Variants in ZNF628 observed in about 807,000 individuals in gnomAD.
ZNF628 encodes the protein zinc finger protein 628.
In ZNF628, 3 loss-of-function variants were observed where a neutral mutation model predicts 2.5. That is an observed-to-expected ratio of 1.19 (90% CI 0.54 to 3.07). The LOEUF (loss-of-function observed/expected upper bound fraction) is 3.07, where lower values mean the gene tolerates loss of function less well. Among genes scored for constraint, ZNF628 ranks in the 30% most tolerant of loss-of-function variants. ZNF628 has a pLI of 0.03. For synonymous variants in ZNF628, 861 were observed against 717.1 expected (o/e 1.20, Z -3.21); for missense variants, 1,610 against 1,517.1 (o/e 1.06, Z -1.02).
chr19:55,482,276 C>T lies in ZNF628; in HGVS notation c.1083C>T (p.Cys361=), dbSNP rs1425812590. The T allele has an allele frequency of 2.0e-6, 3 of 1,471,830 alleles. No individual in the cohort carries two copies. The highest frequency in any genetic ancestry group is 4.7e-5 in the Admixed American group (2 of 42,150). 91.2% of individuals were successfully genotyped at this position (1,471,830 alleles called of 1,614,324 possible). A position where few individuals can be genotyped will look rare whatever the true frequency, so the allele number is the denominator to read the frequency against. Residue 361 remains cysteine (C), a synonymous_variant, in exon 3 of 3, where the codon TGC becomes TGT. Coordinates refer to ENST00000598519, the MANE Select transcript of ZNF628 (RefSeq NM_033113.3). ...CGCCTGGCTTTGCCTGTCTGCCCTGCGGCAAGTCCTTCCGGACGGTGGCTG... is the reference window on the plus strand; with the variant it reads ...CGCCTGGCTTTGCCTGTCTGCCCTGTGGCAAGTCCTTCCGGACGGTGGCTG... ...APAPGFACLP[C]GKSFRTVAGL...
rs74973560 is a variant in ZNF628 at position 55,477,875 on chromosome 19, A to G, written c.-78+1068A>G. 2.6e-3 allele frequency among the ~76,000 whole-genome samples: 400 copies of G among 152,344 alleles called. 1 individual carries two copies. Among genetic ancestry groups the G allele is most frequent in the African/African-American group, 9.4e-3 (390 of 41,576 alleles). On this transcript the variant is annotated intron_variant, in intron 1 of 2. Transcript: ENST00000598519. Reference sequence around the variant, plus strand: ...CACACACTCTGCCAGACATTATTGTAGGCACTGGGATGGCATACAACAGTG... The same window carrying G: ...CACACACTCTGCCAGACATTATTGTGGGCACTGGGATGGCATACAACAGTG...
Position 55,479,378 on chromosome 19 carries a change from G to A in ZNF628, c.-77-456G>A, listed in dbSNP as rs1225196920. Among the ~76,000 whole-genome samples, 1 of 152,236 alleles carries A rather than the reference G, an allele frequency of 6.6e-6. No homozygotes were observed. The highest frequency in any genetic ancestry group is 1.5e-5 in the Non-Finnish European group (1 of 68,050). On this transcript the variant is annotated intron_variant, in intron 1 of 2. Transcript: ENST00000598519. The surrounding 1 kb of genome is among the most constrained non-coding windows in gnomAD (Gnocchi z 5.1). ...TGAGCTGCTCTGCTGTGAAGGAATG[G>A]AGAAACGAGTCTGCAGCTGGACAGG... is the stretch of plus-strand genomic sequence containing the variant.
chr19:55,477,640 T>G (rs1986590655), intron 1 of ZNF628, among the ~76,000 whole-genome samples: 1 of 151,862 alleles, frequency 6.6e-6, no homozygotes, highest in Non-Finnish European at 1.5e-5. Flanking sequence ...CGTGCACCTG[T>G]AATCCCAGCT....
Position 55,484,429 on chromosome 19 carries a change from C to G in ZNF628, c.*56C>G. Reference sequence around the variant, plus strand: ...ACAGAGACCCCGACTCACTGCCAGCCGGGGCGGGGCAGGGTGCCGCAGGCT... The same window carrying G: ...ACAGAGACCCCGACTCACTGCCAGCGGGGGCGGGGCAGGGTGCCGCAGGCT... On this transcript the variant is annotated 3_prime_UTR_variant, in exon 3 of 3. Coordinates refer to ENST00000598519, the MANE Select transcript of ZNF628 (RefSeq NM_033113.3). 7.2e-7 allele frequency: 1 copy of G among 1,386,984 alleles called. No individual in the cohort carries two copies. Among genetic ancestry groups the G allele is most frequent in the Non-Finnish European group, 9.5e-7 (1 of 1,057,390 alleles). The allele number at this position is 1,386,984 out of a possible 1,614,324, so 85.9% of individuals were successfully genotyped here.
rs1986852177 is a variant in ZNF628, at chr19:55,484,391, C to T, written c.*18C>T. On this transcript the variant is annotated 3_prime_UTR_variant, in exon 3 of 3. Transcript: ENST00000598519. ...CGTTTTGAGGAGAGGCAGTGATTCC[C>T]CTCCCGCCCCGCACAGAGACCCCGA... 2 of 1,437,982 alleles carry T rather than the reference C, an allele frequency of 1.4e-6. No individual in the cohort carries two copies. The highest frequency in any genetic ancestry group is 3.0e-5 in the South Asian group (2 of 67,094). 89.1% of individuals were successfully genotyped at this position (1,437,982 alleles called of 1,614,324 possible). A position where few individuals can be genotyped will look rare whatever the true frequency, so the allele number is the denominator to read the frequency against.
At position 55,483,255 on chromosome 19, in the gene ZNF628, C is replaced by G. The variant is rs1274168998; in HGVS notation, c.2062C>G (p.Leu688Val). ...CGTCCTGCCCCACCTCCAGGCCACG[C>G]TCTCCCTCGAGGTGGCGGGGGGCAC... is the stretch of plus-strand genomic sequence containing the variant. Reference protein sequence around the residue: ...VHVLPHLQATLSLEVAGGTAQ... With the variant: ...VHVLPHLQATVSLEVAGGTAQ... The change falls in exon 3 of 3, where the codon CTC becomes GTC. Residue 688 changes from leucine (L) to valine (V), a missense_variant. Physicochemically the swap from Leu to Val is conservative, Grantham distance 32. Around this residue, in one of 5 missense-constraint regions of ZNF628, gnomAD observed 712 missense variants for 603.6 expected, o/e 1.18. Coordinates refer to ENST00000598519, the MANE Select transcript of ZNF628 (RefSeq NM_033113.3). 1.2e-5 allele frequency: 19 copies of G among 1,530,890 alleles called. No individual in the cohort carries two copies. In the East Asian group the frequency reaches 2.0e-4, roughly 16 times the overall value. The allele number at this position is 1,530,890 out of a possible 1,614,324, so 94.8% of individuals were successfully genotyped here.
In ZNF628 at chr19:55,482,532, C is replaced by G. The variant is rs778921191; in HGVS notation, c.1339C>G (p.Pro447Ala). The G allele has an allele frequency of 9.7e-6, 15 of 1,541,766 alleles. No individual in the cohort carries two copies. Among genetic ancestry groups the G allele is most frequent in the Non-Finnish European group, 1.0e-5 (12 of 1,151,120 alleles). The part of the protein sequence containing the change: ...APVPPPPPSA[P>A]ASAERPYKCA... ...CGTCCCGCCGCCACCCCCGTCCGCC[C>G]CCGCTTCTGCGGAGCGGCCCTACAA... Residue 447 changes from proline to alanine, a missense_variant, in exon 3 of 3, where the codon CCC (proline) becomes GCC (alanine). Coordinates refer to ENST00000598519, the MANE Select transcript of ZNF628 (RefSeq NM_033113.3).
Position 55,481,868 on chromosome 19 carries a change from G to A in ZNF628, c.675G>A (p.Thr225=), listed in dbSNP as rs1161941489. 5.8e-6 allele frequency: 9 copies of A among 1,559,992 alleles called. No individual in the cohort carries two copies. Among genetic ancestry groups the A allele is most frequent in the Admixed American group, 3.7e-5 (2 of 53,686 alleles). The change falls in exon 3 of 3, where the codon ACG becomes ACA. Residue 225 remains threonine (T), a synonymous_variant. Transcript: ENST00000598519. ...CCAACCTGCTGCTGCACCAGCGCACGCACGGCGCCGCCCCCGCCCCGGGTA... is the reference window on the plus strand; with the variant it reads ...CCAACCTGCTGCTGCACCAGCGCACACACGGCGCCGCCCCCGCCCCGGGTA... The part of the protein sequence containing the change: ...HSSNLLLHQR[T]HGAAPAPGTA...
At chr19:55,477,390 T>C (rs532557274) in intron 1 of ZNF628, among the ~76,000 whole-genome samples, 3 of 151,494 alleles carry the variant, frequency 2.0e-5, no homozygotes, top group African/African-American at 7.3e-5. Flanking sequence ...AGACGGAGTC[T>C]TGCTCCGTTG....
intron 1 of ZNF628, among the ~76,000 whole-genome samples, chr19:55,477,624 C>G (rs1019320375): frequency 6.6e-6 from 1 of 151,790 alleles, no homozygotes; most frequent in East Asian, 2.0e-4. Flanking sequence ...TAGCCGGGCG[C>G]GGTGGCGTGC....
chr19:55,483,215 C>T lies in ZNF628; in HGVS notation c.2022C>T (p.Ala674=). 6.5e-7 allele frequency: 1 copy of T among 1,542,248 alleles called. No individual in the cohort carries two copies. Among genetic ancestry groups the T allele is most frequent in the Non-Finnish European group, 8.7e-7 (1 of 1,150,504 alleles). ...TGGCTGCTGCGCGGGCCCCGCCAGC[C>T]ACCCAAGATGTCCACGTCCTGCCCC... is the stretch of plus-strand genomic sequence containing the variant. The part of the protein sequence containing the change: ...APLAAARAPP[A]TQDVHVLPHL... The change falls in exon 3 of 3, where the codon GCC becomes GCT. Residue 674 remains alanine, a synonymous_variant. Transcript: ENST00000598519.
At chr19:55,478,090 A>G (rs1986606289) in intron 1 of ZNF628, among the ~76,000 whole-genome samples, 1 of 152,080 alleles carries the variant, frequency 6.6e-6, no homozygotes, top group East Asian at 1.9e-4. Context: ...GGAGGGCTTC[A>G]TAGGCCAATG....
Position 55,481,979 on chromosome 19 carries a change from C to T in ZNF628, c.786C>T (p.Pro262=). Reference sequence around the variant, plus strand: ...CCTACCTGCAGCGGCACCTCCAGCCCCACAGCCCGCCCGCGCCTCCCGCCC... The same window carrying T: ...CCTACCTGCAGCGGCACCTCCAGCCTCACAGCCCGCCCGCGCCTCCCGCCC... ...CDAYLQRHLQ[P]HSPPAPPAPP... The change falls in exon 3 of 3, where the codon CCC becomes CCT. Residue 262 remains proline (P), a synonymous_variant. Transcript: ENST00000598519. 1 of 1,460,496 alleles carries T rather than the reference C, an allele frequency of 6.8e-7. No individual in the cohort carries two copies. Among genetic ancestry groups the T allele is most frequent in the Non-Finnish European group, 9.0e-7 (1 of 1,112,706 alleles). The allele number at this position is 1,460,496 out of a possible 1,614,324, so 90.5% of individuals were successfully genotyped here. A position where few individuals can be genotyped will look rare whatever the true frequency, so the allele number is the denominator to read the frequency against.
chr19:55,477,353 G>GT (rs60568698), intron 1 of ZNF628, among the ~76,000 whole-genome samples: 1,684 of 146,292 alleles, frequency 0.012, 19 homozygotes, highest in African/African-American at 0.034. Context: ...CAGTAGGTTT[G>GT]TTTTTTTTTT....
At position 55,482,653 on chromosome 19, in the gene ZNF628, G is replaced by GCGGCAAGGC. The variant is rs757285700; in HGVS notation, c.1462_1470dup (p.Gly488_Ala490dup). On this transcript the variant is annotated inframe_insertion, in exon 3 of 3. Coordinates refer to ENST00000598519, the MANE Select transcript of ZNF628 (RefSeq NM_033113.3). ...GAGCGGCCCTACCAGTGTGGCGAGT[G>GCGGCAAGGC]CGGCAAGGCCTTCAAGCGCTCCTCC... The GCGGCAAGGC allele has an allele frequency of 6.9e-5, 112 of 1,611,670 alleles. No individual in the cohort carries two copies. Among genetic ancestry groups the GCGGCAAGGC allele is most frequent in the Non-Finnish European group, 8.7e-5 (103 of 1,179,368 alleles).
chr19:55,479,447 T>C lies in ZNF628; in HGVS notation c.-77-387T>C, dbSNP rs944601612. On this transcript the variant is annotated intron_variant, in intron 1 of 2. Transcript: ENST00000598519. This position sits in a 1 kb window ranked among gnomAD's most constrained non-coding sequence, Gnocchi z 5.1. Reference sequence around the variant, plus strand: ...TTTTGGTTTTTAAAGATGGGAGACATAGATTGTTGGTTCTGCAGATGGGAA... The same window carrying C: ...TTTTGGTTTTTAAAGATGGGAGACACAGATTGTTGGTTCTGCAGATGGGAA... Among the ~76,000 whole-genome samples the C allele has an allele frequency of 2.0e-5, 3 of 151,986 alleles. No homozygotes were observed. The highest frequency in any genetic ancestry group is 4.4e-5 in the Non-Finnish European group (3 of 67,984).
Position 55,481,892 on chromosome 19 carries a change from T to A in ZNF628, c.699T>A (p.Gly233=). ...CGCACGGCGCCGCCCCCGCCCCGGGTACCGCCTCCGCGGCCCCGCCCCCCC... is the reference window on the plus strand; with the variant it reads ...CGCACGGCGCCGCCCCCGCCCCGGGAACCGCCTCCGCGGCCCCGCCCCCCC... ...QRTHGAAPAP[G]TASAAPPPQS... Residue 233 remains glycine, a synonymous_variant, in exon 3 of 3, where the codon GGT becomes GGA. Coordinates refer to ENST00000598519, the MANE Select transcript of ZNF628 (RefSeq NM_033113.3). 1 of 1,497,164 alleles carries A rather than the reference T, an allele frequency of 6.7e-7. No individual in the cohort carries two copies. The highest frequency in any genetic ancestry group is 8.9e-7 in the Non-Finnish European group (1 of 1,127,488). The allele number at this position is 1,497,164 out of a possible 1,614,324, so 92.7% of individuals were successfully genotyped here.
rs1986551543 is a variant in ZNF628, at chr19:55,476,706, GTCCCCACA to G, written c.-178_-171del. 1 of 151,980 alleles carries G rather than the reference GTCCCCACA, an allele frequency of 6.6e-6. No homozygotes were observed. Among genetic ancestry groups the G allele is most frequent in the Admixed American group, 6.5e-5 (1 of 15,270 alleles). The allele number at this position is 151,980 out of a possible 1,614,324, so 9.4% of individuals were successfully genotyped here. A position where few individuals can be genotyped will look rare whatever the true frequency, so the allele number is the denominator to read the frequency against. On this transcript the variant is annotated 5_prime_UTR_variant, in exon 1 of 3. Transcript: ENST00000598519. ...AGTGCGCCCCTGCCCCCCCTCCCCG[GTCCCCACA>G]GCTGCACCGCCGCTGCCGGGGCCCC...
intron 2 of ZNF628, among the ~76,000 whole-genome samples, chr19:55,480,437 TGA>T (rs936118181): frequency 1.3e-5 from 2 of 151,952 alleles, no homozygotes; most frequent in African/African-American, 4.8e-5. Flanking sequence ...AATTATTTTT[TGA>T]GATGGAGTTT....
Sources: gnomAD v4.1 joint callset for allele counts (sites outside exome capture counted in the v4.1 genomes callset) on GRCh38, gnomAD v4.1.1 for gene constraint, gnomAD v4.1.1 regional missense constraint, Gnocchi (gnomAD v3.1) non-coding constraint, MANE v1.5 for transcripts, NCBI Gene and HGNC (gene_info 2026-07-23, HGNC 2026-07-21) for gene names.